Variants in DLGAP1 observed in about 807,000 individuals in gnomAD.
The protein encoded by DLGAP1 is DLG associated protein 1.
In DLGAP1, 11 loss-of-function variants were observed where a neutral mutation model predicts 90.8. The observed-to-expected ratio is 0.12, with a 90% CI of 0.08 to 0.20. DLGAP1 has a LOEUF of 0.20. DLGAP1 is among the 10% of genes least tolerant of loss of function. DLGAP1 has a pLI of 1.00. For synonymous variants in DLGAP1, 558 were observed against 540.7 expected, an observed-to-expected ratio of 1.03 and a Z score of -0.44; for missense variants, 1,050 against 1,333.8, an observed-to-expected ratio of 0.79 and a Z score of 3.31.
intron 3 of DLGAP1, among the ~76,000 whole-genome samples, chr18:3,935,804 G>A (rs1419561939): frequency 6.6e-6 from 1 of 152,222 alleles, no homozygotes; most frequent in East Asian, 1.9e-4. Context: ...AACAGAGCTA[G>A]TGTTGAGAAT....
intron 5 of DLGAP1, chr18:3,770,185 T>C (rs187819258): frequency 3.2e-4 from 49 of 152,316 alleles, no homozygotes; most frequent in African/African-American, 1.2e-3. Context: ...ATGGGTGGAC[T>C]TGGGACCTGG....
At chr18:3,733,038 A>G (rs1568033462) in intron 6 of DLGAP1, among the ~76,000 whole-genome samples, 4 of 152,132 alleles carry the variant, frequency 2.6e-5, no homozygotes, top group African/African-American at 7.2e-5. Context: ...GAGATGATGG[A>G]ATTGGAATAT....
chr18:4,388,737 G>C (rs909399033), intron 1 of DLGAP1, among the ~76,000 whole-genome samples: 1 of 152,084 alleles, frequency 6.6e-6, no homozygotes, highest in Non-Finnish European at 1.5e-5. Context: ...CATCTTAACT[G>C]TAAAGTATCT....
intron 3 of DLGAP1, among the ~76,000 whole-genome samples, chr18:3,940,468 T>A (rs533618485): frequency 6.6e-6 from 1 of 152,350 alleles, no homozygotes; most frequent in Non-Finnish European, 1.5e-5. Context: ...CAGTGCTCTG[T>A]ACTCTTTCCT....
At chr18:3,694,942 T>G (rs1475908055) in intron 7 of DLGAP1, among the ~76,000 whole-genome samples, 91 of 126,364 alleles carry the variant, frequency 7.2e-4, no homozygotes, top group Non-Finnish European at 1.3e-3. Context: ...TTTTTTTGTT[T>G]TTTTTTTTTT....
intron 7 of DLGAP1, among the ~76,000 whole-genome samples, chr18:3,591,239 T>C (rs1483861410): frequency 6.6e-6 from 1 of 151,874 alleles, no homozygotes; most frequent in African/African-American, 2.4e-5. Flanking sequence ...AACAAAATGA[T>C]GTGAAGAGGC....
intron 2 of DLGAP1, among the ~76,000 whole-genome samples, chr18:4,125,381 T>C (rs909017722): frequency 6.6e-6 from 1 of 152,096 alleles, no homozygotes; most frequent in Non-Finnish European, 1.5e-5. Flanking sequence ...AGCTGAGTCA[T>C]AACAGATGCA....
At chr18:3,933,452 C>T (rs1040024836) in intron 3 of DLGAP1, among the ~76,000 whole-genome samples, 8 of 152,194 alleles carry the variant, frequency 5.3e-5, no homozygotes, top group African/African-American at 1.9e-4. Context: ...TTCATAACCT[C>T]TTTGGTAATT....
At chr18:3,549,435 G>A (rs374581132) in intron 9 of DLGAP1, among the ~76,000 whole-genome samples, 114 of 151,584 alleles carry the variant, frequency 7.5e-4, no homozygotes, top group Middle Eastern at 3.4e-3. Context: ...CAGGTTCAAG[G>A]GATTCTCCTG....
At chr18:3,760,704 T>C (rs2063926624) in intron 5 of DLGAP1, among the ~76,000 whole-genome samples, 1 of 152,226 alleles carries the variant, frequency 6.6e-6, no homozygotes, top group Admixed American at 6.5e-5. Context: ...GCCAGTTTTA[T>C]AAAAACAATC....
At chr18:3,845,147 A>C in intron 4 of DLGAP1, 1 of 1,524,288 alleles carries the variant, frequency 6.6e-7, no homozygotes, top group Non-Finnish European at 9.0e-7. Context: ...GTATGTTAAA[A>C]GAAAGATGAT....
intron 1 of DLGAP1, among the ~76,000 whole-genome samples, chr18:4,382,758 T>G (rs1282527969): frequency 6.6e-6 from 1 of 152,202 alleles, no homozygotes; most frequent in Non-Finnish European, 1.5e-5. Flanking sequence ...TTGTTTTATA[T>G]TTCATGCTAT....
intron 7 of DLGAP1, chr18:3,604,263 C>T (rs1037908519): frequency 6.6e-6 from 1 of 152,224 alleles, no homozygotes; most frequent in Non-Finnish European, 1.5e-5. Context: ...TGAATCTTGC[C>T]TGTCCTTTCC....
chr18:3,718,907 C>T (rs188665736), intron 7 of DLGAP1, among the ~76,000 whole-genome samples: 6 of 116,410 alleles, frequency 5.2e-5, no homozygotes, highest in African/African-American at 1.0e-4. Context: ...GCCTGGGGGA[C>T]GAGAGTGAGA....
In DLGAP1 at chr18:4,298,461, A is replaced by G. The variant is rs1436130276; in HGVS notation, c.-266-147174T>C. On this transcript the variant is annotated intron_variant, in intron 1 of 12. Transcript: ENST00000315677. ...TGCAGCCATAAAAAATGATGAGTTC[A>G]TGTCCTTTGTAGGGACATGGATGAA... is the stretch of plus-strand genomic sequence containing the variant. 2.0e-5 allele frequency among the ~76,000 whole-genome samples: 3 copies of G among 152,198 alleles called. No individual in the cohort carries two copies. The South Asian group carries it at 6.2e-4, about 31-fold the overall frequency.
intron 7 of DLGAP1, among the ~76,000 whole-genome samples, chr18:3,715,151 G>C (rs1264476717): frequency 1.3e-5 from 2 of 152,160 alleles, no homozygotes; most frequent in Non-Finnish European, 2.9e-5. Context: ...CTCAAACAGA[G>C]AGTTCCAGAA....
chr18:3,969,932 T>A (rs952045504), intron 3 of DLGAP1, among the ~76,000 whole-genome samples: 1 of 152,236 alleles, frequency 6.6e-6, no homozygotes, highest in African/African-American at 2.4e-5. Flanking sequence ...AGACTATCAG[T>A]CCTGTCTGTG....
At chr18:4,105,854 C>T (rs1229596458) in intron 2 of DLGAP1, among the ~76,000 whole-genome samples, 1 of 151,698 alleles carries the variant, frequency 6.6e-6, no homozygotes, top group East Asian at 2.0e-4. Flanking sequence ...CACGGTGAAA[C>T]CCCGTCTCTA....
At chr18:3,732,734 A>C (rs899962201) in intron 6 of DLGAP1, among the ~76,000 whole-genome samples, 2 of 152,170 alleles carry the variant, frequency 1.3e-5, no homozygotes, top group African/African-American at 4.8e-5. Flanking sequence ...CTTCTTTGAT[A>C]TCTGGTATGA....
Sources: gnomAD v4.1 joint callset for allele counts (sites outside exome capture counted in the v4.1 genomes callset) on GRCh38, gnomAD v4.1.1 for gene constraint, MANE v1.5 for transcripts, NCBI Gene and HGNC (gene_info 2026-07-23, HGNC 2026-07-21) for gene names.